The following GRIK3 variants were observed in gnomAD, a reference collection of about 807,000 sequenced individuals.
GRIK3 encodes the protein glutamate ionotropic receptor kainate type subunit 3, also known as glutamate receptor ionotropic, kainate 3.
In GRIK3, 29 loss-of-function variants were observed where a neutral mutation model predicts 102.5. That is an observed-to-expected ratio of 0.28 (90% CI 0.21 to 0.39). GRIK3 has a LOEUF of 0.39. GRIK3 is among the 10% of genes least tolerant of loss of function. The pLI is 1.00. For synonymous variants in GRIK3, 511 were observed against 504.9 expected (o/e 1.01, Z -0.16); for missense variants, 908 against 1,252.4 (o/e 0.73, Z 4.15).
At chr1:36,914,044 G>A (rs1217153394) in intron 1 of GRIK3, among the ~76,000 whole-genome samples, 2 of 152,254 alleles carry the variant, frequency 1.3e-5, no homozygotes, top group African/African-American at 4.8e-5. Context: ...CCTGTCTCTA[G>A]CTCCTTGTTT....
Position 36,853,627 on chromosome 1 carries a change from A to G in GRIK3, c.1200T>C (p.Asp400=), listed in dbSNP as rs774271804. The change falls in exon 8 of 16, where the codon GAT becomes GAC. Residue 400 remains aspartate (D), a synonymous_variant. Transcript: ENST00000373091. ...TGAGACCACGCACCTTCTCCAGGCC[A>G]TCCTCTTTCAGGCTGATGATGTCCA... is the stretch of plus-strand genomic sequence containing the variant. ...FDLDIISLKE[D]GLEKVGVWSP... The G allele has an allele frequency of 2.5e-6, 4 of 1,611,270 alleles. No individual in the cohort carries two copies. The Admixed American group carries it at 5.0e-5, about 20-fold the overall frequency.
At chr1:36,892,009 TTTA>T (rs905744756) in intron 1 of GRIK3, among the ~76,000 whole-genome samples, 2 of 148,284 alleles carry the variant, frequency 1.3e-5, no homozygotes, top group Non-Finnish European at 2.9e-5. Flanking sequence ...CAGTTCCAGT[TTTA>T]TTTATTTATT....
chr1:36,916,882 G>A (rs1033486449), intron 1 of GRIK3, among the ~76,000 whole-genome samples: 9 of 152,194 alleles, frequency 5.9e-5, no homozygotes, highest in South Asian at 2.1e-4. Context: ...CTCTATTGGG[G>A]CACCACCTAG....
chr1:36,909,108 A>G (rs1282289046), intron 1 of GRIK3, among the ~76,000 whole-genome samples: 1 of 152,142 alleles, frequency 6.6e-6, no homozygotes, highest in Non-Finnish European at 1.5e-5. Flanking sequence ...TAAAACTACA[A>G]AGTGGCAAAA....
intron 1 of GRIK3, among the ~76,000 whole-genome samples, chr1:36,971,718 C>A (rs1642143538): frequency 6.6e-6 from 1 of 152,200 alleles, no homozygotes. Flanking sequence ...CTCTGATCCT[C>A]AATGCTCAAA....
At chr1:36,896,044 G>C (rs1641168367) in intron 1 of GRIK3, among the ~76,000 whole-genome samples, 1 of 152,098 alleles carries the variant, frequency 6.6e-6, no homozygotes, top group South Asian at 2.1e-4. Context: ...TCCTTCAAAA[G>C]TGGAGAGAAA....
intron 7 of GRIK3, among the ~76,000 whole-genome samples, chr1:36,854,954 G>A (rs1181429036): frequency 6.6e-6 from 1 of 152,174 alleles, no homozygotes; most frequent in African/African-American, 2.4e-5. Flanking sequence ...GTGATCCCAG[G>A]ACCCCTCGGT....
intron 1 of GRIK3, among the ~76,000 whole-genome samples, chr1:36,971,829 T>C (rs1206806675): frequency 2.0e-5 from 3 of 152,116 alleles, no homozygotes; most frequent in Non-Finnish European, 4.4e-5. Context: ...ACCTTCCTTT[T>C]CTTCTGCTCT....
At chr1:36,925,179 C>G (rs146889465) in intron 1 of GRIK3, among the ~76,000 whole-genome samples, 42 of 152,328 alleles carry the variant, frequency 2.8e-4, no homozygotes, top group African/African-American at 9.4e-4. Flanking sequence ...TAGATACACA[C>G]TCACAAACAT....
In GRIK3 at chr1:36,802,018, C is replaced by T; in HGVS notation, c.2593G>A (p.Glu865Lys). ...QRSFCSTVAD[E>K]IRFSLTCQRR... ...TGGCAGGTAAGGGAGAAACGGATCT[C>T]ATCGGCCACGGTGCTGCAGAAGGAA... Residue 865 changes from glutamate (E) to lysine (K), a missense_variant, in exon 16 of 16, where the codon GAG (glutamate) becomes AAG (lysine). Glu to Lys is a moderately conservative substitution (Grantham distance 56). This residue lies in a region of GRIK3 where 297 missense variants were observed against 362.7 expected (regional missense o/e 0.82). Transcript: ENST00000373091. 2 of 1,612,972 alleles carry T rather than the reference C, an allele frequency of 1.2e-6. No individual in the cohort carries two copies. Among genetic ancestry groups the T allele is most frequent in the Non-Finnish European group, 1.7e-6 (2 of 1,179,494 alleles).
At chr1:36,866,025 A>G (rs1393594684) in intron 5 of GRIK3, among the ~76,000 whole-genome samples, 1 of 152,208 alleles carries the variant, frequency 6.6e-6, no homozygotes, top group East Asian at 1.9e-4. Flanking sequence ...CTGGGACTAC[A>G]GGCCTGCCCG....
intron 1 of GRIK3, among the ~76,000 whole-genome samples, chr1:37,020,799 C>A (rs995239312): frequency 6.6e-6 from 1 of 152,100 alleles, no homozygotes. Context: ...TTACAATAAC[C>A]CCACCACCCA....
intron 1 of GRIK3, among the ~76,000 whole-genome samples, chr1:36,999,273 G>A (rs1336667326): frequency 6.6e-6 from 1 of 152,160 alleles, no homozygotes; most frequent in Non-Finnish European, 1.5e-5. Flanking sequence ...GTGCCCAGGT[G>A]CACCGAGGTG....
chr1:36,935,522 C>G (rs112322305), intron 1 of GRIK3, among the ~76,000 whole-genome samples: 11 of 152,156 alleles, frequency 7.2e-5, no homozygotes, highest in African/African-American at 2.4e-4. Context: ...GGGAAAGCAG[C>G]CTTCCCTTCT....
chr1:36,966,613 G>C (rs1239007041), intron 1 of GRIK3, among the ~76,000 whole-genome samples: 1 of 152,014 alleles, frequency 6.6e-6, no homozygotes, highest in African/African-American at 2.4e-5. Flanking sequence ...AATCTTTGTG[G>C]ATCCATGTAA....
rs1003319752 is a variant in GRIK3 at position 36,978,878 on chromosome 1, G to A, written c.115+55116C>T. On this transcript the variant is annotated intron_variant, in intron 1 of 15. Transcript: ENST00000373091. ...AGTCACACGGCCAGCTAGATTTGAG[G>A]GGTAGGGAAACAAACTCCGCCTCTT... is the stretch of plus-strand genomic sequence containing the variant. Among the ~76,000 whole-genome samples the A allele has an allele frequency of 3.9e-5, 6 of 152,314 alleles. No homozygotes were observed. The East Asian group carries it at 1.2e-3, about 29-fold the overall frequency.
intron 1 of GRIK3, among the ~76,000 whole-genome samples, chr1:36,931,866 T>A (rs1419942164): frequency 1.3e-5 from 2 of 152,170 alleles, no homozygotes; most frequent in Non-Finnish European, 2.9e-5. Context: ...CCCTCTCTTG[T>A]CAGCCTCTGT....
At chr1:36,856,832 G>A (rs561311522) in intron 7 of GRIK3, among the ~76,000 whole-genome samples, 1 of 152,258 alleles carries the variant, frequency 6.6e-6, no homozygotes, top group South Asian at 2.1e-4. Flanking sequence ...CAAGGGTTGA[G>A]GGGCAAAGTG....
chr1:36,927,033 G>A (rs561884029), intron 1 of GRIK3, among the ~76,000 whole-genome samples: 22 of 152,330 alleles, frequency 1.4e-4, no homozygotes, highest in Non-Finnish European at 2.9e-4. Flanking sequence ...GAATTGCTAA[G>A]CAAGGAAAAC....
Sources: allele counts gnomAD v4.1 joint callset (sites outside exome capture counted in the v4.1 genomes callset), GRCh38; gene constraint gnomAD v4.1.1; regional missense constraint gnomAD v4.1.1; transcripts MANE v1.5; gene names NCBI Gene and HGNC (gene_info 2026-07-23, HGNC 2026-07-21).